The following SPAG16 variants were observed in gnomAD, a reference collection of about 807,000 sequenced individuals.
The protein encoded by SPAG16 is sperm associated antigen 16.
In SPAG16, 86 loss-of-function variants were observed where a neutral mutation model predicts 80.4. That is an observed-to-expected ratio of 1.07 (90% confidence interval 0.90 to 1.28). The LOEUF (loss-of-function observed/expected upper bound fraction) is 1.28. Ranked by LOEUF, SPAG16 falls within the 50% of genes most tolerant of loss-of-function variation. The probability of loss-of-function intolerance (pLI) is 0.00; values close to 1 mark genes in which losing one functional copy is unlikely to be tolerated. For synonymous variants in SPAG16, 294 were observed against 265.9 expected (o/e 1.11, Z -1.03); for missense variants, 870 against 765.3 (o/e 1.14, Z -1.61).
intron 11 of SPAG16, among the ~76,000 whole-genome samples, chr2:213,910,425 T>G (rs996903732): frequency 6.6e-6 from 1 of 152,150 alleles, no homozygotes; most frequent in East Asian, 1.9e-4. Context: ...ACAAGAGAAT[T>G]TTTACAAAAT....
chr2:213,293,129 G>A (rs575357960), intron 1 of SPAG16, among the ~76,000 whole-genome samples: 2 of 152,268 alleles, frequency 1.3e-5, no homozygotes, highest in East Asian at 1.9e-4. Flanking sequence ...AAGATCTCAT[G>A]GTTTTGTAAG....
intron 10 of SPAG16, among the ~76,000 whole-genome samples, chr2:213,647,030 G>A (rs1038618427): frequency 6.6e-6 from 1 of 152,050 alleles, no homozygotes; most frequent in Non-Finnish European, 1.5e-5. Context: ...AAGAAACATA[G>A]ATGAGTAAAA....
intron 10 of SPAG16, among the ~76,000 whole-genome samples, chr2:213,600,513 G>A (rs2061026524): frequency 6.6e-6 from 1 of 152,180 alleles, no homozygotes; most frequent in South Asian, 2.1e-4. Flanking sequence ...GGTAGGTGCT[G>A]AATCTGCCTC....
intron 12 of SPAG16, among the ~76,000 whole-genome samples, chr2:213,952,224 T>C (rs972943424): frequency 2.0e-5 from 3 of 151,944 alleles, no homozygotes; most frequent in African/African-American, 7.2e-5. Flanking sequence ...TGAAGAAAAT[T>C]GAAATAGTGA....
chr2:213,988,487 A>C (rs1283401607), intron 12 of SPAG16, among the ~76,000 whole-genome samples: 1 of 152,098 alleles, frequency 6.6e-6, no homozygotes, highest in Non-Finnish European at 1.5e-5. Context: ...AACACATTTT[A>C]AATAGCTCAA....
chr2:213,807,498 T>A (rs1015364032), intron 10 of SPAG16, among the ~76,000 whole-genome samples: 2 of 152,166 alleles, frequency 1.3e-5, no homozygotes, highest in African/African-American at 4.8e-5. Flanking sequence ...AAGTCTCTTT[T>A]ATTCTAGTAC....
rs369965944 is a variant in SPAG16 at position 213,986,891 on chromosome 2, C to CAAAAAAAA, written c.1401-27040_1401-27033dup. Among the ~76,000 whole-genome samples the CAAAAAAAA allele has an allele frequency of 6.8e-4, 39 of 57,642 alleles. 2 individuals carry two copies. Among genetic ancestry groups the CAAAAAAAA allele is most frequent in the African/African-American group, 1.8e-3 (35 of 19,198 alleles). 37.8% of individuals were successfully genotyped at this position (57,642 alleles called of 152,430 possible). On this transcript the variant is annotated intron_variant, in intron 12 of 15. Coordinates refer to ENST00000331683, the MANE Select transcript of SPAG16 (RefSeq NM_024532.5). ...GTCAATTTGTCTGCCTCTGGTATAG[C>CAAAAAAAA]AAAAAAAAAAAAAAAAAAAAAAAAA...
At chr2:213,391,606 A>G (rs1253995788) in intron 9 of SPAG16, among the ~76,000 whole-genome samples, 1 of 152,230 alleles carries the variant, frequency 6.6e-6, no homozygotes, top group Non-Finnish European at 1.5e-5. Flanking sequence ...TATGTAAGAT[A>G]TCTAACACTG....
intron 9 of SPAG16, among the ~76,000 whole-genome samples, chr2:213,411,792 G>A (rs1575522866): frequency 6.6e-6 from 1 of 151,910 alleles, no homozygotes; most frequent in Non-Finnish European, 1.5e-5. Flanking sequence ...TAGATGCAGA[G>A]GCTCATAAAA....
chr2:214,018,725 A>G (rs1482731118), intron 13 of SPAG16, among the ~76,000 whole-genome samples: 1 of 152,180 alleles, frequency 6.6e-6, no homozygotes, highest in Non-Finnish European at 1.5e-5. Flanking sequence ...CCTCAATGTG[A>G]TCAGTTACTA....
chr2:213,808,457 A>C (rs530252283), intron 10 of SPAG16, among the ~76,000 whole-genome samples: 1 of 152,290 alleles, frequency 6.6e-6, no homozygotes, highest in Non-Finnish European at 1.5e-5. Flanking sequence ...GGGGTATAGG[A>C]GGATGAGCTC....
intron 15 of SPAG16, among the ~76,000 whole-genome samples, chr2:214,402,812 G>T (rs1396259154): frequency 1.3e-5 from 2 of 152,038 alleles, no homozygotes; most frequent in East Asian, 1.9e-4. Flanking sequence ...TGTACAATCA[G>T]ATTCTTGGAA....
chr2:213,926,500 AT>A (rs915720508), intron 11 of SPAG16, among the ~76,000 whole-genome samples: 1 of 150,866 alleles, frequency 6.6e-6, no homozygotes, highest in African/African-American at 2.4e-5. Flanking sequence ...CATGTTTTTC[AT>A]TTTTTTTCCG....
chr2:213,790,084 A>G (rs1033651852), intron 10 of SPAG16, among the ~76,000 whole-genome samples: 7 of 151,864 alleles, frequency 4.6e-5, no homozygotes, highest in African/African-American at 7.2e-5. Flanking sequence ...CTAATTCCAC[A>G]ACATCATCCA....
intron 10 of SPAG16, among the ~76,000 whole-genome samples, chr2:213,849,122 C>A (rs2074776197): frequency 6.6e-6 from 1 of 152,064 alleles, no homozygotes; most frequent in African/African-American, 2.4e-5. Context: ...CTGGCGAGGA[C>A]CTCAGGCTGC....
chr2:213,476,246 G>A (rs1231071643), intron 9 of SPAG16, among the ~76,000 whole-genome samples: 1 of 152,228 alleles, frequency 6.6e-6, no homozygotes, highest in Admixed American at 6.5e-5. Context: ...GGAAGTTTTG[G>A]TGCAACACCT....
At chr2:214,095,985 A>G (rs1033541578) in intron 13 of SPAG16, among the ~76,000 whole-genome samples, 1 of 152,032 alleles carries the variant, frequency 6.6e-6, no homozygotes, top group African/African-American at 2.4e-5. Context: ...ATAATAATGT[A>G]AAACAATTTT....
At chr2:213,375,183 C>T (rs570330816) in intron 9 of SPAG16, 64 bp downstream of exon 9, 1 of 1,137,266 alleles carries the variant, frequency 8.8e-7, no homozygotes. Context: ...GATCCATTCA[C>T]TCATATGGTA....
intron 10 of SPAG16, among the ~76,000 whole-genome samples, chr2:213,750,921 C>T (rs2068050250): frequency 1.3e-5 from 2 of 152,286 alleles, no homozygotes; most frequent in South Asian, 4.1e-4. Flanking sequence ...ACCGATGATA[C>T]ATTAACTCCT....
Sources: gnomAD v4.1 joint callset for allele counts (sites outside exome capture counted in the v4.1 genomes callset) on GRCh38, gnomAD v4.1.1 for gene constraint, MANE v1.5 for transcripts, NCBI Gene and HGNC (gene_info 2026-07-23, HGNC 2026-07-21) for gene names.